Variants in LYRM4 observed in about 807,000 individuals in gnomAD.
The protein encoded by LYRM4 is LYR motif containing 4.
Under a neutral mutation model 11.7 loss-of-function variants are expected in LYRM4, and 9 were observed. The observed-to-expected ratio is 0.77, with a 90% CI of 0.46 to 1.34. The LOEUF (loss-of-function observed/expected upper bound fraction) is 1.34. LYRM4 is among the 40% of genes most tolerant of loss of function. LYRM4 has a pLI of 0.00. For missense variants in LYRM4, 133 were observed against 112.5 expected (o/e 1.18, Z -0.82); for synonymous variants, 42 against 40.4 (o/e 1.04, Z -0.15).
chr6:5,194,917 G>C (rs150420019), intron 2 of LYRM4, among the ~76,000 whole-genome samples: 136 of 152,300 alleles, frequency 8.9e-4, no homozygotes, highest in African/African-American at 3.1e-3. Context: ...TACTATAATA[G>C]CTTCTGGCTT....
At chr6:5,179,065 CAAAAAAAAA>C (rs58749743) in intron 2 of LYRM4, among the ~76,000 whole-genome samples, 4,060 of 104,022 alleles carry the variant, frequency 0.039, 35 homozygotes, top group African/African-American at 0.069. Flanking sequence ...ACCAAAAAAA[CAAAAAAAAA>C]AAAAAAAAAA....
chr6:5,083,673 G>C, the LYRM4 span, among the ~76,000 whole-genome samples: 1 of 152,192 alleles, frequency 6.6e-6, no homozygotes, highest in Admixed American at 6.5e-5. Flanking sequence ...ACATCCTGTA[G>C]GTGCTCAGTC....
At chr6:5,187,830 T>TG (rs1251546044) in intron 2 of LYRM4, among the ~76,000 whole-genome samples, 1 of 47,746 alleles carries the variant, frequency 2.1e-5, no homozygotes, top group Non-Finnish European at 3.5e-5. Context: ...ATTGTGTTAG[T>TG]GGAAAAAAAA....
the LYRM4 span, among the ~76,000 whole-genome samples, chr6:5,060,676 C>T: frequency 1.1e-4 from 17 of 152,172 alleles, no homozygotes; most frequent in Non-Finnish European, 2.2e-4. Flanking sequence ...TACAGGCATG[C>T]GCCATCACAC....
At chr6:5,180,688 G>A (rs1045926616) in intron 2 of LYRM4, among the ~76,000 whole-genome samples, 3 of 152,176 alleles carry the variant, frequency 2.0e-5, no homozygotes, top group Non-Finnish European at 2.9e-5. Flanking sequence ...CAGCTGCTCT[G>A]CCAGCGTGGA....
At chr6:5,040,519 T>C in the LYRM4 span, among the ~76,000 whole-genome samples, 1 of 147,650 alleles carries the variant, frequency 6.8e-6, no homozygotes, top group Admixed American at 6.9e-5. Flanking sequence ...CTGGGCAACA[T>C]AGGGAGACCT....
chr6:5,250,725 G>C (rs1268107365), intron 1 of LYRM4, among the ~76,000 whole-genome samples: 1 of 88,126 alleles, frequency 1.1e-5, no homozygotes, highest in South Asian at 2.7e-4. Flanking sequence ...CAGAACAAAC[G>C]TAAGAACTGA....
chr6:5,186,970 T>C (rs1760437712), intron 2 of LYRM4: 1 of 675,248 alleles, frequency 1.5e-6, no homozygotes, highest in Non-Finnish European at 1.8e-6. Context: ...GGCGACAGAG[T>C]GAGAGTCCAT....
chr6:5,084,916 C>CAG, the LYRM4 span: 1 of 152,660 alleles, frequency 6.6e-6, no homozygotes, highest in African/African-American at 2.4e-5. Context: ...GGGGACTCCC[C>CAG]AGCCCGTGAG....
chr6:5,204,217 C>T (rs1243416415), intron 2 of LYRM4, among the ~76,000 whole-genome samples: 1 of 152,152 alleles, frequency 6.6e-6, no homozygotes, highest in Non-Finnish European at 1.5e-5. Flanking sequence ...AAGAGTTCCA[C>T]AGTCTCCTTT....
At chr6:5,095,153 C>T in the LYRM4 span, among the ~76,000 whole-genome samples, 11 of 152,124 alleles carry the variant, frequency 7.2e-5, no homozygotes, top group Non-Finnish European at 1.3e-4. Flanking sequence ...ACTATGTCTA[C>T]GAACATTTTT....
chr6:5,189,983 C>T (rs1195461255), intron 2 of LYRM4, among the ~76,000 whole-genome samples: 2 of 152,172 alleles, frequency 1.3e-5, no homozygotes, highest in African/African-American at 4.8e-5. Context: ...ATCTAATTTT[C>T]CCAAGTCCTT....
At chr6:5,174,256 T>C (rs1759591951) in intron 2 of LYRM4, among the ~76,000 whole-genome samples, 1 of 152,192 alleles carries the variant, frequency 6.6e-6, no homozygotes, top group Non-Finnish European at 1.5e-5. Context: ...GTGAATGCTC[T>C]ACAGAGTATC....
At chr6:5,162,724 T>C (rs909452367) in intron 2 of LYRM4, among the ~76,000 whole-genome samples, 3 of 152,264 alleles carry the variant, frequency 2.0e-5, no homozygotes, top group Non-Finnish European at 4.4e-5. Context: ...AAGGATGTTG[T>C]ACTTTAATGC....
intron 2 of LYRM4, among the ~76,000 whole-genome samples, chr6:5,132,382 AG>A (rs1581342457): frequency 6.6e-6 from 1 of 152,164 alleles, no homozygotes; most frequent in East Asian, 1.9e-4. Context: ...ACTCCTTTCT[AG>A]GTCTTCTGAC....
chr6:5,105,804 ACT>A (rs1362176387), downstream of LYRM4: 1 of 154,314 alleles, frequency 6.5e-6, no homozygotes, highest in African/African-American at 2.4e-5. Flanking sequence ...ACAGAGCGAG[ACT>A]CTGTCTCAAA....
At chr6:5,066,891 G>A in the LYRM4 span, 3 of 1,134,684 alleles carry the variant, frequency 2.6e-6, no homozygotes, top group African/African-American at 3.1e-5. Context: ...CTTTCGCATC[G>A]CCGCTCCAGA....
intron 2 of LYRM4, among the ~76,000 whole-genome samples, chr6:5,172,429 A>G (rs1363375895): frequency 6.6e-6 from 1 of 152,192 alleles, no homozygotes; most frequent in Non-Finnish European, 1.5e-5. Flanking sequence ...CCACAGTTTC[A>G]CGAGCACCTC....
chr6:5,231,233 C>T lies in LYRM4; in HGVS notation c.87-14495G>A, dbSNP rs756289917. 2.6e-5 allele frequency among the ~76,000 whole-genome samples: 4 copies of T among 152,122 alleles called. No homozygotes were observed. In the South Asian group the frequency reaches 6.2e-4, roughly 24 times the overall value. On this transcript the variant is annotated intron_variant, in intron 1 of 2. Transcript: ENST00000330636. ...AAATAAAAAACCAAAAAAAACCCCA[C>T]AAAAAACCCAAACATTTCAGGTGTA...
Sources: gnomAD v4.1 joint callset for allele counts (sites outside exome capture counted in the v4.1 genomes callset) on GRCh38, gnomAD v4.1.1 for gene constraint, MANE v1.5 for transcripts, NCBI Gene and HGNC (gene_info 2026-07-23, HGNC 2026-07-21) for gene names.